Variants in AKT3 observed in about 807,000 individuals in gnomAD.
AKT3 encodes the protein AKT serine/threonine kinase 3.
A neutral mutation model predicts 65.3 loss-of-function variants in AKT3; 15 were observed. The observed-to-expected ratio is 0.23, with a 90% confidence interval of 0.15 to 0.35. The LOEUF (loss-of-function observed/expected upper bound fraction) is 0.35. Ranked by LOEUF, AKT3 falls within the 10% of genes least tolerant of loss-of-function variation. The pLI is 1.00. For synonymous variants in AKT3, 206 were observed against 183.8 expected, an observed-to-expected ratio of 1.12 and a Z score of -0.98; for missense variants, 243 against 576.5, an observed-to-expected ratio of 0.42 and a Z score of 5.92.
intron 2 of AKT3, among the ~76,000 whole-genome samples, chr1:243,804,540 C>T (rs1311795872): frequency 1.3e-5 from 2 of 152,166 alleles, no homozygotes; most frequent in Non-Finnish European, 2.9e-5. Flanking sequence ...ACTATATCTG[C>T]ATTTTTCAAG....
intron 6 of AKT3, among the ~76,000 whole-genome samples, chr1:243,625,462 T>C (rs1679091241): frequency 6.6e-6 from 1 of 151,960 alleles, no homozygotes; most frequent in East Asian, 1.9e-4. Context: ...ACAGCTAAAA[T>C]GAAAGTAAGA....
chr1:243,805,487 A>G (rs142876807), intron 2 of AKT3, among the ~76,000 whole-genome samples: 3 of 152,306 alleles, frequency 2.0e-5, no homozygotes, highest in African/African-American at 7.2e-5. Context: ...TTTCACTGAC[A>G]GATTTTTCAA....
intron 12 of AKT3, among the ~76,000 whole-genome samples, chr1:243,527,906 CACACACA>C (rs1671243500): frequency 1.7e-5 from 2 of 116,020 alleles, no homozygotes; most frequent in African/African-American, 8.9e-5. Flanking sequence ...CACACACACA[CACACACA>C]CACACACACA....
chr1:243,645,353 A>G (rs1680727583), intron 5 of AKT3, among the ~76,000 whole-genome samples: 1 of 152,174 alleles, frequency 6.6e-6, no homozygotes, highest in African/African-American at 2.4e-5. Context: ...AAAAATATAA[A>G]TTCGTACTTA....
rs559011313 is a variant in AKT3 at position 243,518,799 on chromosome 1, A to C, written c.1252-6373T>G. Among the ~76,000 whole-genome samples, 7 of 152,344 alleles carry C rather than the reference A, an allele frequency of 4.6e-5. No homozygotes were observed. In the South Asian group the frequency reaches 1.0e-3, roughly 23 times the overall value. On this transcript the variant is annotated intron_variant, in intron 12 of 13. Coordinates refer to ENST00000673466, the MANE Select transcript of AKT3 (RefSeq NM_005465.7). Reference sequence around the variant, plus strand: ...AAAAAACCATGCACAGATTTCAAAAAATTTCTGCACCAAAATTAACTCATA... The same window carrying C: ...AAAAAACCATGCACAGATTTCAAAACATTTCTGCACCAAAATTAACTCATA...
intron 2 of AKT3, among the ~76,000 whole-genome samples, chr1:243,783,361 G>C (rs1307741277): frequency 2.0e-5 from 3 of 152,200 alleles, no homozygotes; most frequent in Non-Finnish European, 4.4e-5. Flanking sequence ...GGGGCTTGAA[G>C]AACTTCTGGG....
chr1:243,699,266 T>C (rs1210698171), intron 2 of AKT3, among the ~76,000 whole-genome samples: 1 of 151,824 alleles, frequency 6.6e-6, no homozygotes, highest in Non-Finnish European at 1.5e-5. Context: ...CCATAGGTTT[T>C]AACCAATTTA....
chr1:243,488,975 C>T (rs767880791), intron 13 of AKT3: 1 of 1,612,904 alleles, frequency 6.2e-7, no homozygotes, highest in Non-Finnish European at 8.5e-7. Flanking sequence ...GAAAGGCTGA[C>T]GTTATCCCTC....
At chr1:243,767,389 G>A (rs537700525) in intron 2 of AKT3, among the ~76,000 whole-genome samples, 1 of 152,124 alleles carries the variant, frequency 6.6e-6, no homozygotes, top group African/African-American at 2.4e-5. Context: ...TCATGCCTAT[G>A]GTTTCGTTGA....
chr1:243,714,558 T>C (rs1233435444), intron 2 of AKT3, among the ~76,000 whole-genome samples: 1 of 152,204 alleles, frequency 6.6e-6, no homozygotes, highest in East Asian at 1.9e-4. Flanking sequence ...CTTCCTCATA[T>C]ACATCAGTAA....
intron 2 of AKT3, among the ~76,000 whole-genome samples, chr1:243,806,360 G>GA (rs111267312): frequency 0.22 from 33,355 of 151,134 alleles, 3,902 homozygotes; most frequent in East Asian, 0.34. Context: ...ATTTATTAGG[G>GA]GAAAAAAAAC....
rs752927558 is a variant in AKT3, at chr1:243,707,478, CAACT to C, written c.47-11766_47-11763del. On this transcript the variant is annotated intron_variant, in intron 2 of 13. Transcript: ENST00000673466. ...GAAATCATCTTTCTTAATTCAATAA[CAACT>C]AACTATAGGGCAAAAAAATCAAAAG... Among the ~76,000 whole-genome samples, 11 of 152,124 alleles carry C rather than the reference CAACT, an allele frequency of 7.2e-5. No homozygotes were observed. The East Asian group carries it at 1.9e-3, about 27-fold the overall frequency.
At chr1:243,606,906 G>C (rs1677470675) in intron 8 of AKT3, among the ~76,000 whole-genome samples, 1 of 152,240 alleles carries the variant, frequency 6.6e-6, no homozygotes, top group Non-Finnish European at 1.5e-5. Context: ...TGGCTAAAAG[G>C]GACCAATGTA....
At position 243,588,791 on chromosome 1, in the gene AKT3, A is replaced by G. The variant is rs1675990708; in HGVS notation, c.697-15743T>C. Among the ~76,000 whole-genome samples, 3 of 152,200 alleles carry G rather than the reference A, an allele frequency of 2.0e-5. 1 individual carries two copies. In the South Asian group the frequency reaches 6.2e-4, roughly 32 times the overall value. ...GACCTGAAACTATAAAACTCCTAGA[A>G]GAAAACATACCAAAAAAACCTCCTT... On this transcript the variant is annotated intron_variant, in intron 8 of 13. Transcript: ENST00000673466.
intron 2 of AKT3, among the ~76,000 whole-genome samples, chr1:243,766,719 G>A (rs975520878): frequency 6.6e-6 from 1 of 152,134 alleles, no homozygotes; most frequent in South Asian, 2.1e-4. Context: ...GGCAACTAGA[G>A]TAGTGAAGAA....
chr1:243,512,522 G>C (rs546860633), intron 12 of AKT3, 96 bp from the exon 13 acceptor site: 1 of 753,858 alleles, frequency 1.3e-6, no homozygotes, highest in South Asian at 1.7e-5. Context: ...TAAATGAACA[G>C]AACAAAAGTC....
At chr1:243,800,731 A>G (rs1258125059) in intron 2 of AKT3, among the ~76,000 whole-genome samples, 4 of 152,100 alleles carry the variant, frequency 2.6e-5, no homozygotes, top group African/African-American at 7.2e-5. Context: ...AAAAAAAAAA[A>G]AGAGAGATTA....
intron 5 of AKT3, among the ~76,000 whole-genome samples, chr1:243,638,137 A>G (rs1680111740): frequency 6.6e-6 from 1 of 152,226 alleles, no homozygotes; most frequent in East Asian, 1.9e-4. Context: ...TGCCTAAAAA[A>G]GCAGTGCTTT....
rs750279631 is a variant in AKT3, at chr1:243,843,155, T to C, written c.16A>G (p.Ile6Val). 9.3e-6 allele frequency: 15 copies of C among 1,614,006 alleles called. No individual in the cohort carries two copies. The Admixed American group carries it at 2.0e-4, about 22-fold the overall frequency. The change falls in exon 2 of 14, where the codon ATT becomes GTT. Residue 6 changes from isoleucine (I) to valine (V), a missense_variant. Around this residue, in one of 6 missense-constraint regions of AKT3, gnomAD observed 29 missense variants for 91.3 expected, o/e 0.32. Coordinates refer to ENST00000673466, the MANE Select transcript of AKT3 (RefSeq NM_005465.7). ...TTCTGAACCCAACCTTCTTTCACAA[T>C]GGTAACATCGCTCATGATGACTCCC... MSDVT[I>V]VKEGWVQKRG...
Sources: allele counts gnomAD v4.1 joint callset (sites outside exome capture counted in the v4.1 genomes callset), GRCh38; gene constraint gnomAD v4.1.1; regional missense constraint gnomAD v4.1.1; transcripts MANE v1.5; gene names NCBI Gene and HGNC (gene_info 2026-07-23, HGNC 2026-07-21).